Variants in ZNF609 observed in about 807,000 individuals in gnomAD.
ZNF609 encodes zinc finger protein 609.
A neutral mutation model predicts 109.5 loss-of-function variants in ZNF609; 11 were observed. The ratio of observed to expected loss-of-function variants is 0.10; its 90% CI spans 0.06 to 0.17. The LOEUF is 0.17. Among genes scored for constraint, ZNF609 ranks in the 10% least tolerant of loss-of-function variants. The pLI, the probability that ZNF609 is intolerant of heterozygous loss-of-function variation, is 1.00. For synonymous variants in ZNF609, 646 were observed against 662.0 expected (o/e 0.98, Z 0.37); for missense variants, 1,559 against 1,772.4 (o/e 0.88, Z 2.16).
rs754867746 is a variant in ZNF609 at position 64,674,939 on chromosome 15, G to A, written c.2085G>A (p.Met695Ile). Residue 695 changes from methionine (M) to isoleucine (I), a missense_variant, in exon 5 of 10, where the codon ATG becomes ATA. Met to Ile is a conservative substitution (Grantham distance 10, BLOSUM62 1). Coordinates refer to ENST00000326648, the MANE Select transcript of ZNF609 (RefSeq NM_015042.2). The part of the protein sequence containing the change: ...SGLTATVAQA[M>I]PNSPQLKPIQ... ...TGACCGCCACAGTGGCACAAGCCAT[G>A]CCCAACAGTCCCCAACTCAAGCCCA... The A allele has an allele frequency of 1.9e-6, 3 of 1,614,026 alleles. No individual in the cohort carries two copies. Among genetic ancestry groups the A allele is most frequent in the Non-Finnish European group, 2.5e-6 (3 of 1,180,032 alleles).
chr15:64,565,605 A>G (rs1353590697), intron 2 of ZNF609, among the ~76,000 whole-genome samples: 1 of 152,170 alleles, frequency 6.6e-6, no homozygotes, highest in Middle Eastern at 3.2e-3. Flanking sequence ...TGGAACACTG[A>G]CAATCAGATT....
At chr15:64,472,313 C>T (rs948078410) in intron 1 of ZNF609, among the ~76,000 whole-genome samples, 2 of 152,244 alleles carry the variant, frequency 1.3e-5, no homozygotes, top group East Asian at 3.8e-4. Context: ...CTTTGGCTAT[C>T]ATACCACAGC....
intron 3 of ZNF609, among the ~76,000 whole-genome samples, chr15:64,670,092 A>T (rs538056012): frequency 6.6e-6 from 1 of 152,122 alleles, no homozygotes; most frequent in Admixed American, 6.5e-5. Flanking sequence ...GCAAAACCCC[A>T]TCTCCAAAAA....
intron 2 of ZNF609, among the ~76,000 whole-genome samples, chr15:64,613,018 C>T (rs1464576955): frequency 6.6e-6 from 1 of 151,464 alleles, no homozygotes; most frequent in Non-Finnish European, 1.5e-5. Flanking sequence ...CTGTCTAAAA[C>T]ACAGAAAAGA....
At chr15:64,661,779 T>G (rs1896580551) in intron 3 of ZNF609, among the ~76,000 whole-genome samples, 1 of 152,194 alleles carries the variant, frequency 6.6e-6, no homozygotes, top group East Asian at 1.9e-4. Context: ...TCAGCATTTC[T>G]TCACTGTTTT....
rs1449747161 is a variant in ZNF609 at position 64,499,782 on chromosome 15, G to A, written c.363G>A (p.Val121=). 4 of 1,613,980 alleles carry A rather than the reference G, an allele frequency of 2.5e-6. No individual in the cohort carries two copies. The highest frequency in any genetic ancestry group is 3.4e-6 in the Non-Finnish European group (4 of 1,180,018). Residue 121 remains valine (V), a synonymous_variant, in exon 2 of 10, where the codon GTG becomes GTA. Transcript: ENST00000326648. ...AGGGGGCAGCTAGCAAGAAAGAGGT[G>A]CAGGGGCGCTCAGGAGATGGTGCCA... The part of the protein sequence containing the change: ...PSEGAASKKE[V]QGRSGDGANA...
Position 64,680,881 on chromosome 15 carries a change from C to G in ZNF609, c.4162+19C>G. 1.2e-6 allele frequency: 2 copies of G among 1,604,518 alleles called. No individual in the cohort carries two copies. Among genetic ancestry groups the G allele is most frequent in the Non-Finnish European group, 1.7e-6 (2 of 1,179,464 alleles). On this transcript the variant is annotated intron_variant, in intron 8 of 9. Coordinates refer to ENST00000326648, the MANE Select transcript of ZNF609 (RefSeq NM_015042.2). ...GCAGCAGGTAAGCCTGTTTTCCCTACCACCTGTTGTTTTGTCTTGTTTTGT... is the reference window on the plus strand; with the variant it reads ...GCAGCAGGTAAGCCTGTTTTCCCTAGCACCTGTTGTTTTGTCTTGTTTTGT...
chr15:64,500,484 T>G, intron 2 of ZNF609: 1 of 635,300 alleles, frequency 1.6e-6, no homozygotes, highest in Non-Finnish European at 2.8e-6. Context: ...CACTTGTTGG[T>G]AGAGATTGGC....
chr15:64,563,289 A>G (rs1275074029), intron 2 of ZNF609, among the ~76,000 whole-genome samples: 2 of 151,736 alleles, frequency 1.3e-5, no homozygotes, highest in African/African-American at 4.8e-5. Context: ...ATCTCTACAA[A>G]ATATACAGAA....
chr15:64,645,718 T>TA (rs890400593), intron 3 of ZNF609, among the ~76,000 whole-genome samples: 1 of 149,494 alleles, frequency 6.7e-6, no homozygotes, highest in Non-Finnish European at 1.5e-5. Context: ...AAAATGCGCG[T>TA]AAGACTTGAA....
intron 2 of ZNF609, among the ~76,000 whole-genome samples, chr15:64,588,268 A>C (rs1274137931): frequency 6.7e-6 from 1 of 149,604 alleles, no homozygotes; most frequent in Non-Finnish European, 1.5e-5. Context: ...ATACAAAAAA[A>C]AAAAACAAAA....
chr15:64,513,647 T>G (rs895851927), intron 2 of ZNF609, among the ~76,000 whole-genome samples: 2 of 152,228 alleles, frequency 1.3e-5, no homozygotes, highest in African/African-American at 4.8e-5. Flanking sequence ...AAGCCATTAT[T>G]TCTTCAGCTG....
intron 2 of ZNF609, among the ~76,000 whole-genome samples, chr15:64,620,374 C>G (rs1895858426): frequency 6.6e-6 from 1 of 152,136 alleles, no homozygotes; most frequent in South Asian, 2.1e-4. Context: ...TAGTGACTCT[C>G]AAGAGTTTGT....
At chr15:64,530,230 G>C (rs1009967611) in intron 2 of ZNF609, among the ~76,000 whole-genome samples, 1 of 152,068 alleles carries the variant, frequency 6.6e-6, no homozygotes, top group Non-Finnish European at 1.5e-5. Context: ...TGGCCAGGCT[G>C]GTCTCAAACT....
At chr15:64,598,010 A>C (rs529685406) in intron 2 of ZNF609, among the ~76,000 whole-genome samples, 1 of 152,342 alleles carries the variant, frequency 6.6e-6, no homozygotes, top group African/African-American at 2.4e-5. Context: ...TATCAATGTA[A>C]TGAAAAATTA....
chr15:64,496,294 A>G (rs569366342), intron 1 of ZNF609, among the ~76,000 whole-genome samples: 12 of 152,106 alleles, frequency 7.9e-5, no homozygotes, highest in Non-Finnish European at 1.2e-4. Context: ...TTACCATTCT[A>G]TTTTCTAGAG....
At position 64,528,954 on chromosome 15, in the gene ZNF609, C is replaced by T. The variant is rs531309642; in HGVS notation, c.747+28788C>T. On this transcript the variant is annotated intron_variant, in intron 2 of 9. Coordinates refer to ENST00000326648, the MANE Select transcript of ZNF609 (RefSeq NM_015042.2). Reference sequence around the variant, plus strand: ...GACGACAGGTCAGGTCCGCCACTGACACATTGGCAGTGGGGACATGGAAGG... The same window carrying T: ...GACGACAGGTCAGGTCCGCCACTGATACATTGGCAGTGGGGACATGGAAGG... 6 of 1,380,400 alleles carry T rather than the reference C, an allele frequency of 4.3e-6. No homozygotes were observed. The African/African-American group carries it at 7.1e-5, about 16-fold the overall frequency. 85.5% of individuals were successfully genotyped at this position (1,380,400 alleles called of 1,614,324 possible).
Position 64,507,913 on chromosome 15 carries a change from T to G in ZNF609, c.747+7747T>G, listed in dbSNP as rs567294473. On this transcript the variant is annotated intron_variant, in intron 2 of 9. Coordinates refer to ENST00000326648, the MANE Select transcript of ZNF609 (RefSeq NM_015042.2). ...AAAATATATTTCTCTCGGTACAGTT[T>G]AGTCATGGTTCAGAGCACCCACAGA... Among the ~76,000 whole-genome samples the G allele has an allele frequency of 2.6e-5, 4 of 152,312 alleles. No homozygotes were observed. In the South Asian group the frequency reaches 6.2e-4, roughly 24 times the overall value.
chr15:64,553,345 C>T (rs1894517788), intron 2 of ZNF609, among the ~76,000 whole-genome samples: 1 of 150,886 alleles, frequency 6.6e-6, no homozygotes, highest in Non-Finnish European at 1.5e-5. Flanking sequence ...AGAGAATTGC[C>T]ATCTTAACAA....
Sources: allele counts gnomAD v4.1 joint callset (sites outside exome capture counted in the v4.1 genomes callset), GRCh38; gene constraint gnomAD v4.1.1; transcripts MANE v1.5; gene names NCBI Gene and HGNC (gene_info 2026-07-23, HGNC 2026-07-21).